Variants in SYNE2 observed in about 807,000 individuals in gnomAD.
SYNE2 encodes the protein nesprin-2.
Under a neutral mutation model 856.3 loss-of-function variants are expected in SYNE2, and 431 were observed. The ratio of observed to expected loss-of-function variants is 0.50; its 90% CI spans 0.47 to 0.55. The LOEUF (loss-of-function observed/expected upper bound fraction) is 0.55, where lower values mean the gene tolerates loss of function less well. Ranked by LOEUF, SYNE2 falls within the 20% of genes least tolerant of loss-of-function variation. The pLI is 0.00. For missense variants in SYNE2, 8,129 were observed against 8,023.2 expected, an observed-to-expected ratio of 1.01 and a Z score of -0.50; for synonymous variants, 2,923 against 2,872.3, an observed-to-expected ratio of 1.02 and a Z score of -0.56.
At position 64,218,436 on chromosome 14, in the gene SYNE2, A is replaced by C. The variant is rs141550472; in HGVS notation, c.19581A>C (p.Lys6527Asn). The change falls in exon 109 of 116, where the codon AAA (lysine) becomes AAC (asparagine). Residue 6527 changes from lysine to asparagine, a missense_variant. Transcript: ENST00000555002. ...LLLPPGTDGG[K>N]EGPRVLNGNP... ...TACCTCCAGGCACGGATGGTGGCAA[A>C]GAAGGCCCGCGAGTCCTGAATGGCA... 325 of 1,614,122 alleles carry C rather than the reference A, an allele frequency of 2.0e-4. 1 individual carries two copies. In the African/African-American group the frequency reaches 3.8e-3, roughly 19 times the overall value.
In SYNE2 at chr14:64,002,052, G is replaced by C. The variant is rs1231879335; in HGVS notation, c.3757G>C (p.Asp1253His). ...GGCCATCCAGGGATTTCATCTCATT[G>C]ATGCTGATCGCATCTATCAACACCT... ...KMAIQGFHLI[D>H]ADRIYQHLRN... The change falls in exon 29 of 116, where the codon GAT becomes CAT. Residue 1253 changes from aspartate to histidine, a missense_variant. Asp to His is a moderately conservative substitution (Grantham distance 81). This residue lies in a region of SYNE2 where 2,422 missense variants were observed against 2,357.4 expected (regional missense o/e 1.03). Transcript: ENST00000555002. The C allele has an allele frequency of 1.2e-6, 2 of 1,613,572 alleles. No homozygotes were observed. The highest frequency in any genetic ancestry group is 1.7e-6 in the Non-Finnish European group (2 of 1,179,534).
In SYNE2 at chr14:64,049,634, A is replaced by G. The variant is rs762591718; in HGVS notation, c.7401A>G (p.Ala2467=). 4 of 1,614,120 alleles carry G rather than the reference A, an allele frequency of 2.5e-6. No individual in the cohort carries two copies. Among genetic ancestry groups the G allele is most frequent in the Non-Finnish European group, 3.4e-6 (4 of 1,180,018 alleles). ...EIEKLYTQLE[A]KKAAIKPLEQ... The stretch of plus-strand genomic sequence containing the variant: ...AGAAATTATATACCCAGTTGGAAGC[A>G]AAGAAAGCAGCCATTAAGCCACTGG... The change falls in exon 47 of 116, where the codon GCA becomes GCG. Residue 2467 remains alanine (A), a synonymous_variant. Coordinates refer to ENST00000555002, the MANE Select transcript of SYNE2 (RefSeq NM_182914.3).
chr14:63,762,132 T>C (rs1410027059), intron 1 of SYNE2: 2 of 409,324 alleles, frequency 4.9e-6, no homozygotes, highest in African/African-American at 2.1e-5. Flanking sequence ...AAGATTCCTA[T>C]AGAAAGCAAG....
intron 48 of SYNE2, among the ~76,000 whole-genome samples, chr14:64,055,049 G>T (rs574100374): frequency 7.0e-4 from 106 of 152,290 alleles, no homozygotes; most frequent in Non-Finnish European, 1.1e-3. Flanking sequence ...AACTGAACTG[G>T]AAGGGACCTT....
intron 57 of SYNE2, chr14:64,087,437 A>T (rs1214975983): frequency 1.5e-6 from 1 of 675,556 alleles, no homozygotes; most frequent in South Asian, 1.4e-5. Context: ...GTGTTTTAGA[A>T]GTGGACCAAG....
rs1162448861 is a variant in SYNE2, at chr14:64,052,871, C to T, written c.8958C>T (p.Asp2986=). Residue 2986 remains aspartate, a synonymous_variant, in exon 48 of 116, where the codon GAC becomes GAT. Coordinates refer to ENST00000555002, the MANE Select transcript of SYNE2 (RefSeq NM_182914.3). ...AAGAGGAGATCTATAATCTTAAAGACAGACTCACCGCTATTAAGTGTTGCA... is the reference window on the plus strand; with the variant it reads ...AAGAGGAGATCTATAATCTTAAAGATAGACTCACCGCTATTAAGTGTTGCA... The part of the protein sequence containing the change: ...GVKEEIYNLK[D]RLTAIKCCIL... 4 of 1,613,848 alleles carry T rather than the reference C, an allele frequency of 2.5e-6. No individual in the cohort carries two copies. The highest frequency in any genetic ancestry group is 3.4e-6 in the Non-Finnish European group (4 of 1,179,972).
At position 64,213,248 on chromosome 14, in the gene SYNE2, C is replaced by A. The variant is rs377325548; in HGVS notation, c.19056+243C>A. On this transcript the variant is annotated intron_variant, in intron 105 of 115. Transcript: ENST00000555002. The stretch of plus-strand genomic sequence containing the variant: ...CTTCTGAGGCGCATGCTCCACGAGT[C>A]GCTTTTAAGTATTCCTCAGGGCTGG... Among the ~76,000 whole-genome samples the A allele has an allele frequency of 1.4e-3, 208 of 152,342 alleles. 7 individuals carry two copies. The South Asian group carries it at 0.042, about 31-fold the overall frequency.
At chr14:64,017,493 A>G in intron 33 of SYNE2, 102 bp from the exon 34 acceptor site, 1 of 975,944 alleles carries the variant, frequency 1.0e-6, no homozygotes. Context: ...TTATCCAGTA[A>G]TAGTAAACTA....
chr14:63,895,563 G>A (rs2095235115), intron 1 of SYNE2, among the ~76,000 whole-genome samples: 1 of 148,440 alleles, frequency 6.7e-6, no homozygotes, highest in African/African-American at 2.5e-5. Context: ...GACCAGCCTG[G>A]GCAACATGGC....
chr14:64,090,872 C>G lies in SYNE2; in HGVS notation c.11800C>G (p.Leu3934Val). Residue 3934 changes from leucine (L) to valine (V), a missense_variant, in exon 60 of 116, where the codon CTT becomes GTT. Physicochemically the swap from Leu to Val is conservative, Grantham distance 32. Coordinates refer to ENST00000555002, the MANE Select transcript of SYNE2 (RefSeq NM_182914.3). ...EEHLKHGEVI[L>V]ENIRPMKKTI... The stretch of plus-strand genomic sequence containing the variant: ...CTCCTCTTATATAATTAAGGTCATA[C>G]TTGAAAATATACGTCCCATGAAGAA... 1 of 1,613,902 alleles carries G rather than the reference C, an allele frequency of 6.2e-7. No individual in the cohort carries two copies. Among genetic ancestry groups the G allele is most frequent in the South Asian group, 1.1e-5 (1 of 91,046 alleles).
chr14:63,852,673 G>A (rs572960421), upstream of SYNE2, among the ~76,000 whole-genome samples: 3 of 152,186 alleles, frequency 2.0e-5, no homozygotes, highest in Non-Finnish European at 2.9e-5. Context: ...AGGAATCTAC[G>A]GGTGTTGGAG....
intron 65 of SYNE2, among the ~76,000 whole-genome samples, chr14:64,110,612 AC>A (rs2097798846): frequency 1.8e-5 from 2 of 113,172 alleles, no homozygotes; most frequent in Admixed American, 2.1e-4. Flanking sequence ...GCCAAAGTGT[AC>A]AATTATAAAA....
chr14:63,831,559 T>C (rs1889669310), intron 1 of SYNE2, among the ~76,000 whole-genome samples: 1 of 137,342 alleles, frequency 7.3e-6, no homozygotes, highest in Non-Finnish European at 1.6e-5. Flanking sequence ...CTTTTTTTTT[T>C]TTTTTTTTTT....
intron 62 of SYNE2, 87 bp from the exon 63 acceptor site, chr14:64,098,660 T>A: frequency 7.2e-7 from 1 of 1,381,754 alleles, no homozygotes; most frequent in Admixed American, 1.9e-5. Flanking sequence ...AGTAAAAAAT[T>A]AGCTACATAA....
At chr14:63,941,434 G>A (rs1365986784) in intron 3 of SYNE2, among the ~76,000 whole-genome samples, 1 of 152,180 alleles carries the variant, frequency 6.6e-6, no homozygotes, top group Non-Finnish European at 1.5e-5. Flanking sequence ...AATGCCACTT[G>A]TGTGCACAGG....
At chr14:64,081,722 GA>G in intron 57 of SYNE2, 142 bp downstream of exon 57, 1 of 930,962 alleles carries the variant, frequency 1.1e-6, no homozygotes, top group Admixed American at 1.9e-5. Flanking sequence ...GGAAGCTTGA[GA>G]GAGTGGCAAG....
rs1470518972 is a variant in SYNE2, at chr14:63,977,996, A to T, written c.1385A>T (p.Lys462Ile). Reference sequence around the variant, plus strand: ...CACTTGCCATTGGTACCACCTAACAAATTGGAGGAAATGAAAAGACGGTGT... The same window carrying T: ...CACTTGCCATTGGTACCACCTAACATATTGGAGGAAATGAAAAGACGGTGT... ...ENHLPLVPPNKLEEMKRRINN... is the reference protein window; with the variant it reads ...ENHLPLVPPNILEEMKRRINN... Residue 462 changes from lysine (K) to isoleucine (I), a missense_variant, in exon 13 of 116, where the codon AAA (lysine) becomes ATA (isoleucine). Around this residue, in one of 3 missense-constraint regions of SYNE2, gnomAD observed 2,422 missense variants for 2,357.4 expected, o/e 1.03. Coordinates refer to ENST00000555002, the MANE Select transcript of SYNE2 (RefSeq NM_182914.3). 6.2e-7 allele frequency: 1 copy of T among 1,611,120 alleles called. No homozygotes were observed. The highest frequency in any genetic ancestry group is 1.3e-5 in the African/African-American group (1 of 74,856).
In SYNE2 at chr14:64,130,752, G is replaced by T. The variant is rs2098009228; in HGVS notation, c.14340+504G>T. Among the ~76,000 whole-genome samples, 4 of 152,028 alleles carry T rather than the reference G, an allele frequency of 2.6e-5. No homozygotes were observed. In the South Asian group the frequency reaches 8.3e-4, roughly 32 times the overall value. ...ATACAAAAATTAGCTGGGTATGGTG[G>T]CAGGCACCTGTAATCCCAGCTACCT... is the stretch of plus-strand genomic sequence containing the variant. On this transcript the variant is annotated intron_variant, in intron 76 of 115. Transcript: ENST00000555002.
At chr14:64,214,134 T>C in intron 105 of SYNE2, 60 bp from the exon 106 acceptor site, 1 of 1,613,632 alleles carries the variant, frequency 6.2e-7, no homozygotes, top group South Asian at 1.1e-5. Flanking sequence ...CTTCTCATGC[T>C]CTTCTAATTG....
Sources: allele counts gnomAD v4.1 joint callset (sites outside exome capture counted in the v4.1 genomes callset), GRCh38; gene constraint gnomAD v4.1.1; regional missense constraint gnomAD v4.1.1; transcripts MANE v1.5; gene names NCBI Gene and HGNC (gene_info 2026-07-23, HGNC 2026-07-21).